Variants in DPY19L2 observed in about 807,000 individuals in gnomAD.
The protein encoded by DPY19L2 is dpy-19 like 2.
DPY19L2 carries 34 observed loss-of-function variants against 97.9 expected under a neutral mutation model. The observed-to-expected ratio is 0.35, with a 90% confidence interval of 0.26 to 0.46. The LOEUF (loss-of-function observed/expected upper bound fraction) is 0.46. Among genes scored for constraint, DPY19L2 ranks in the 20% least tolerant of loss-of-function variants. The probability of loss-of-function intolerance (pLI) is 1.00; values close to 1 mark genes in which losing one functional copy is unlikely to be tolerated. For synonymous variants in DPY19L2, 230 were observed against 307.9 expected (o/e 0.75, Z 2.65); for missense variants, 623 against 911.4 (o/e 0.68, Z 4.07).
intron 6 of DPY19L2, among the ~76,000 whole-genome samples, chr12:63,627,683 A>C (rs1411440211): frequency 6.6e-6 from 1 of 152,136 alleles, no homozygotes; most frequent in Admixed American, 6.5e-5. Context: ...TTTTGTGATC[A>C]TGTCTGTGTA....
chr12:63,594,836 C>A (rs1365701658), intron 15 of DPY19L2, among the ~76,000 whole-genome samples: 4 of 152,102 alleles, frequency 2.6e-5, no homozygotes, highest in Non-Finnish European at 4.4e-5. Flanking sequence ...ATAGTTAATT[C>A]ATGCATTGGC....
intron 3 of DPY19L2, among the ~76,000 whole-genome samples, chr12:63,663,079 T>A (rs1478070658): frequency 6.6e-6 from 1 of 152,212 alleles, no homozygotes; most frequent in Non-Finnish European, 1.5e-5. Context: ...AATTTAAATC[T>A]AAATTTTACC....
rs764339563 is a variant in DPY19L2, at chr12:63,560,555, G to A, written c.2234C>T (p.Thr745Ile). The A allele has an allele frequency of 4.2e-5, 67 of 1,613,894 alleles. No homozygotes were observed. In the South Asian group the frequency reaches 6.9e-4, roughly 17 times the overall value. Residue 745 changes from threonine to isoleucine, a missense_variant, in exon 22 of 22, where the codon ACA becomes ATA. Transcript: ENST00000324472. ...LLEDARPYFT[T>I]VFQNSVYRVL... Reference sequence around the variant, plus strand: ...TCTGTACACACTATTCTGAAATACTGTGGTGAAGTAAGGCCTGGCGTCTTC... The same window carrying A: ...TCTGTACACACTATTCTGAAATACTATGGTGAAGTAAGGCCTGGCGTCTTC...
rs1330229489 is a variant in DPY19L2, at chr12:63,629,271, C to T, written c.804-2745G>A. 2.0e-5 allele frequency among the ~76,000 whole-genome samples: 3 copies of T among 151,980 alleles called. No homozygotes were observed. The East Asian group carries it at 5.8e-4, about 29-fold the overall frequency. On this transcript the variant is annotated intron_variant, in intron 6 of 21. Transcript: ENST00000324472. ...CTTCAGATGATCGAACTACTCTGAG[C>T]TAAAGGAGGAAGTTAGAACCCATGG...
intron 16 of DPY19L2, among the ~76,000 whole-genome samples, chr12:63,588,826 T>G (rs369325421): frequency 6.7e-6 from 1 of 149,034 alleles, no homozygotes; most frequent in Non-Finnish European, 1.5e-5. Context: ...CGATCTCAGC[T>G]CACTGAAACC....
intron 21 of DPY19L2, among the ~76,000 whole-genome samples, chr12:63,562,436 G>GT (rs1565685976): frequency 0.027 from 4,145 of 152,078 alleles, 196 homozygotes; most frequent in African/African-American, 0.094. Flanking sequence ...TGATAAATAA[G>GT]TGGATTGTTT....
In DPY19L2 at chr12:63,608,691, G is replaced by A. The variant is rs1413052159; in HGVS notation, c.1219-16C>T. ...GAATTATTGCCTAAAATGCACATAA[G>A]GGAAAATGAAACAATTCAATACAAT... On this transcript the variant is annotated splice_polypyrimidine_tract_variant and intron_variant, in intron 11 of 21. Coordinates refer to ENST00000324472, the MANE Select transcript of DPY19L2 (RefSeq NM_173812.5). The A allele has an allele frequency of 2.3e-6, 3 of 1,292,292 alleles. No individual in the cohort carries two copies. In the African/African-American group the frequency reaches 4.5e-5, roughly 19 times the overall value. The allele number at this position is 1,292,292 out of a possible 1,614,324, so 80.1% of individuals were successfully genotyped here.
At chr12:63,612,145 A>G (rs987323369) in intron 11 of DPY19L2, among the ~76,000 whole-genome samples, 2 of 152,082 alleles carry the variant, frequency 1.3e-5, no homozygotes, top group African/African-American at 4.8e-5. Context: ...AAATTCTTAA[A>G]TAAAAGGGCT....
chr12:63,666,070 C>T (rs1337235896), intron 1 of DPY19L2, among the ~76,000 whole-genome samples: 1 of 152,086 alleles, frequency 6.6e-6, no homozygotes, highest in Non-Finnish European at 1.5e-5. Flanking sequence ...CAGGGCTTGA[C>T]AAGCAAAGGG....
chr12:63,592,559 A>C (rs1004308917), intron 16 of DPY19L2, among the ~76,000 whole-genome samples: 4 of 150,206 alleles, frequency 2.7e-5, no homozygotes, highest in Non-Finnish European at 5.9e-5. Context: ...TATTTAATAA[A>C]TGGTGCTGGG....
At chr12:63,586,668 G>A (rs1332411421) in intron 16 of DPY19L2, among the ~76,000 whole-genome samples, 1 of 152,178 alleles carries the variant, frequency 6.6e-6, no homozygotes, top group Non-Finnish European at 1.5e-5. Context: ...AGGTGACTGT[G>A]AGGATTTATT....
intron 16 of DPY19L2, among the ~76,000 whole-genome samples, chr12:63,589,027 A>G (rs1278592648): frequency 1.3e-5 from 2 of 151,992 alleles, no homozygotes; most frequent in African/African-American, 2.4e-5. Flanking sequence ...TGCTGGTATT[A>G]CAGGCGTGAG....
rs145054112 is a variant in DPY19L2 at position 63,595,672 on chromosome 12, T to C, written c.1533+294A>G. On this transcript the variant is annotated intron_variant, in intron 15 of 21. Coordinates refer to ENST00000324472, the MANE Select transcript of DPY19L2 (RefSeq NM_173812.5). Reference sequence around the variant, plus strand: ...CACCCCCACCCCCAATAATCCAGGATTGTAAGTTCCAAGACAGGAGCGGCC... The same window carrying C: ...CACCCCCACCCCCAATAATCCAGGACTGTAAGTTCCAAGACAGGAGCGGCC... Among the ~76,000 whole-genome samples, 1,461 of 152,172 alleles carry C rather than the reference T, an allele frequency of 9.6e-3. 6 individuals are homozygous for C. The highest frequency in any genetic ancestry group is 0.033 in the African/African-American group (1,377 of 41,490).
chr12:63,634,420 G>C (rs921142578), intron 6 of DPY19L2, among the ~76,000 whole-genome samples: 2 of 152,126 alleles, frequency 1.3e-5, no homozygotes, highest in Non-Finnish European at 2.9e-5. Context: ...TCCAACTGAA[G>C]TACTGGGTTC....
intron 4 of DPY19L2, among the ~76,000 whole-genome samples, chr12:63,657,843 T>C (rs1330063012): frequency 1.3e-5 from 2 of 152,204 alleles, no homozygotes; most frequent in Non-Finnish European, 2.9e-5. Flanking sequence ...TAGCAGTTCA[T>C]TAAAAAATTT....
At chr12:63,661,158 G>A (rs922409403) in intron 4 of DPY19L2, 186 bp downstream of exon 4, 28 of 458,066 alleles carry the variant, frequency 6.1e-5, no homozygotes, top group Middle Eastern at 6.4e-4. Context: ...GAGTTCATGA[G>A]AGAACAGTTT....
intron 19 of DPY19L2, among the ~76,000 whole-genome samples, chr12:63,577,211 T>G (rs1177471290): frequency 6.6e-6 from 1 of 151,998 alleles, no homozygotes; most frequent in Non-Finnish European, 1.5e-5. Flanking sequence ...ATAAATGGTG[T>G]TGGGAAAACT....
intron 4 of DPY19L2, among the ~76,000 whole-genome samples, chr12:63,657,036 C>A (rs1895057809): frequency 6.6e-6 from 1 of 152,142 alleles, no homozygotes; most frequent in African/African-American, 2.4e-5. Context: ...ACTGCTCTGT[C>A]TCTTCGGACT....
Position 63,644,500 on chromosome 12 carries a change from T to C in DPY19L2, c.710-4A>G, listed in dbSNP as rs1893129275. The C allele has an allele frequency of 6.2e-7, 1 of 1,604,608 alleles. No individual in the cohort carries two copies. Among genetic ancestry groups the C allele is most frequent in the Non-Finnish European group, 8.5e-7 (1 of 1,177,052 alleles). On this transcript the variant is annotated splice_polypyrimidine_tract_variant and splice_region_variant and intron_variant, in intron 5 of 21. Coordinates refer to ENST00000324472, the MANE Select transcript of DPY19L2 (RefSeq NM_173812.5). ...AAGCAAGCAGGATCTCCCAATCCTT[T>C]GAAAAGATACAGATAATCAGTGTTT...
Sources: allele counts gnomAD v4.1 joint callset (sites outside exome capture counted in the v4.1 genomes callset), GRCh38; gene constraint gnomAD v4.1.1; transcripts MANE v1.5; gene names NCBI Gene and HGNC (gene_info 2026-07-23, HGNC 2026-07-21).